Variants in SF3A1 observed in about 807,000 individuals in gnomAD.
SF3A1 encodes splicing factor 3a subunit 1.
SF3A1 carries 13 observed loss-of-function variants against 89.9 expected under a neutral mutation model. That is an observed-to-expected ratio of 0.14 (90% CI 0.09 to 0.23). SF3A1 has a LOEUF of 0.23. Ranked by LOEUF, SF3A1 falls within the 10% of genes least tolerant of loss-of-function variation. The pLI is 1.00. For missense variants in SF3A1, 604 were observed against 1,022.1 expected (o/e 0.59, Z 5.58); for synonymous variants, 405 against 374.4 (o/e 1.08, Z -0.94).
Position 30,340,392 on chromosome 22 carries a change from A to G in SF3A1, c.1190-11T>C. On this transcript the variant is annotated splice_polypyrimidine_tract_variant and intron_variant, in intron 8 of 15. Transcript: ENST00000215793. Reference sequence around the variant, plus strand: ...GCAAGGGCTTGGAGGCTAAAAGGAAACAGATGTTTCAGTAAGAACACTGGT... The same window carrying G: ...GCAAGGGCTTGGAGGCTAAAAGGAAGCAGATGTTTCAGTAAGAACACTGGT... 1 of 1,610,848 alleles carries G rather than the reference A, an allele frequency of 6.2e-7. No individual in the cohort carries two copies. Among genetic ancestry groups the G allele is most frequent in the South Asian group, 1.1e-5 (1 of 90,650 alleles).
rs1931223690 is a variant in SF3A1 at position 30,340,683 on chromosome 22, G to T, written c.1189+12C>A. 2.6e-6 allele frequency: 4 copies of T among 1,525,692 alleles called. No individual in the cohort carries two copies. Among genetic ancestry groups the T allele is most frequent in the Non-Finnish European group, 3.6e-6 (4 of 1,100,448 alleles). 94.5% of individuals were successfully genotyped at this position (1,525,692 alleles called of 1,614,324 possible). On this transcript the variant is annotated intron_variant, in intron 8 of 15. Transcript: ENST00000215793. ...TGGGCAGCCCGAGGGTTGGGAAGCA[G>T]GCCCTCCCTACCTTTGGGATCATAA...
Position 30,332,419 on chromosome 22 carries a change from A to G in SF3A1, c.*2175T>C, listed in dbSNP as rs1930945106. 6.6e-6 allele frequency: 1 copy of G among 152,212 alleles called. No individual in the cohort carries two copies. The highest frequency in any genetic ancestry group is 6.5e-5 in the Admixed American group (1 of 15,282). The allele number at this position is 152,212 out of a possible 1,614,324, so 9.4% of individuals were successfully genotyped here. ...ACAGGAGCACTTATTCCTATTTCAT[A>G]GTGTGGTCTGGTGGAGCAGAGCAGT... On this transcript the variant is annotated 3_prime_UTR_variant, in exon 16 of 16. Transcript: ENST00000215793.
At chr22:30,338,580 G>A (rs891635022) in intron 11 of SF3A1, among the ~76,000 whole-genome samples, 20 of 151,840 alleles carry the variant, frequency 1.3e-4, no homozygotes, top group Non-Finnish European at 1.5e-5. Flanking sequence ...TCTCATATTT[G>A]CCACTTACCT....
intron 1 of SF3A1, among the ~76,000 whole-genome samples, chr22:30,356,037 T>C (rs1238185593): frequency 1.3e-5 from 2 of 152,268 alleles, no homozygotes; most frequent in East Asian, 3.9e-4. Flanking sequence ...GATTTGTACC[T>C]GAAACTTCTA....
intron 1 of SF3A1, 56 bp downstream of exon 1, chr22:30,356,674 T>C: frequency 2.3e-6 from 3 of 1,325,264 alleles, no homozygotes; most frequent in Non-Finnish European, 3.0e-6. Flanking sequence ...CCTGTGCGAG[T>C]AAGGAGCGCC....
At chr22:30,340,845 G>A in intron 7 of SF3A1, 33 bp from the exon 8 acceptor site, 5 of 1,258,308 alleles carry the variant, frequency 4.0e-6, no homozygotes, top group African/African-American at 1.5e-5. Flanking sequence ...GACTCAGAGA[G>A]GGGCTGAGGC....
intron 2 of SF3A1, among the ~76,000 whole-genome samples, chr22:30,350,322 T>TAA (rs896689707): frequency 7.2e-6 from 1 of 139,328 alleles, no homozygotes; most frequent in African/African-American, 2.6e-5. Flanking sequence ...ATAAAAAAAA[T>TAA]AAAAAAAAAA....
intron 5 of SF3A1, 167 bp downstream of exon 5, chr22:30,342,638 G>C: frequency 1.6e-6 from 1 of 629,936 alleles, no homozygotes; most frequent in Non-Finnish European, 2.8e-6. Flanking sequence ...TGGTATGTTG[G>C]GAAGCATCCG....
chr22:30,355,993 ATATC>A lies in SF3A1; in HGVS notation c.63+733_63+736del, dbSNP rs1931810516. 1.3e-5 allele frequency among the ~76,000 whole-genome samples: 2 copies of A among 152,012 alleles called. 1 individual carries two copies. On this transcript the variant is annotated intron_variant, in intron 1 of 15. Coordinates refer to ENST00000215793, the MANE Select transcript of SF3A1 (RefSeq NM_005877.6). ...CACTCTTGTGGGCTTCCCTACCTTA[ATATC>A]CCTTCTAGCCCAGCAAACAATGTTC...
intron 2 of SF3A1, among the ~76,000 whole-genome samples, chr22:30,349,950 T>C (rs1403847737): frequency 6.6e-6 from 1 of 152,100 alleles, no homozygotes; most frequent in African/African-American, 2.4e-5. Flanking sequence ...TGGTCATATA[T>C]ATTTAAAGGG....
chr22:30,346,599 CCTT>C, intron 2 of SF3A1, 80 bp from the exon 3 acceptor site: 2 of 1,519,340 alleles, frequency 1.3e-6, no homozygotes, highest in Non-Finnish European at 1.8e-6. Flanking sequence ...ATTGGAACGT[CCTT>C]CTTGCCACCA....
intron 2 of SF3A1, among the ~76,000 whole-genome samples, chr22:30,347,553 C>T (rs1490946422): frequency 6.6e-6 from 1 of 152,108 alleles, no homozygotes; most frequent in Non-Finnish European, 1.5e-5. Context: ...TTCAAAACCT[C>T]AGGATAATGA....
intron 12 of SF3A1, 111 bp from the exon 13 acceptor site, chr22:30,337,291 T>C: frequency 9.5e-7 from 1 of 1,057,294 alleles, no homozygotes; most frequent in Non-Finnish European, 1.3e-6. Context: ...GTCAGAGGTG[T>C]CAAGTGCTGT....
chr22:30,337,360 A>C (rs915869619), intron 12 of SF3A1, among the ~76,000 whole-genome samples, 180 bp from the exon 13 acceptor site: 1 of 152,174 alleles, frequency 6.6e-6, no homozygotes, highest in Non-Finnish European at 1.5e-5. Flanking sequence ...GAGGCTGCCC[A>C]GATTGGACAG....
chr22:30,356,599 G>C (rs765840438), intron 1 of SF3A1, 131 bp downstream of exon 1: 3 of 676,688 alleles, frequency 4.4e-6, no homozygotes, highest in Non-Finnish European at 6.5e-6. Flanking sequence ...CCATAGCGCG[G>C]GAAGCGCGCA....
intron 9 of SF3A1, among the ~76,000 whole-genome samples, 197 bp from the exon 10 acceptor site, chr22:30,339,448 C>T (rs1931178707): frequency 7.9e-5 from 12 of 152,130 alleles, no homozygotes; most frequent in Admixed American, 7.9e-4. Flanking sequence ...TTGGGCAACC[C>T]CTCTGACTTA....
Position 30,340,719 on chromosome 22 carries a change from C to T in SF3A1, c.1165G>A (p.Val389Ile). 6.2e-7 allele frequency: 1 copy of T among 1,606,420 alleles called. No homozygotes were observed. ...PLPPTPDQVI[V>I]RKDYDPKASK... Reference sequence around the variant, plus strand: ...CCTTTGGGATCATAATCCTTGCGGACAATGACTTGGTCTGGAGTTGGGGGC... The same window carrying T: ...CCTTTGGGATCATAATCCTTGCGGATAATGACTTGGTCTGGAGTTGGGGGC... Residue 389 changes from valine (V) to isoleucine (I), a missense_variant, in exon 8 of 16, where the codon GTC (valine) becomes ATC (isoleucine). By Grantham distance (29) the Val-to-Ile change is conservative. This residue lies in a region of SF3A1 where 146 missense variants were observed against 228.5 expected (regional missense o/e 0.64). Coordinates refer to ENST00000215793, the MANE Select transcript of SF3A1 (RefSeq NM_005877.6).
intron 2 of SF3A1, among the ~76,000 whole-genome samples, chr22:30,351,039 G>A (rs1931576458): frequency 6.6e-6 from 1 of 152,222 alleles, no homozygotes; most frequent in Non-Finnish European, 1.5e-5. Context: ...CGTGGCTCAC[G>A]CCTGTAATCC....
intron 13 of SF3A1, 122 bp from the exon 14 acceptor site, chr22:30,335,875 C>T: frequency 1.3e-6 from 1 of 795,076 alleles, no homozygotes; most frequent in Non-Finnish European, 2.2e-6. Flanking sequence ...GGATTCTGGC[C>T]TGATTCACCA....
Sources: gnomAD v4.1 joint callset for allele counts (sites outside exome capture counted in the v4.1 genomes callset) on GRCh38, gnomAD v4.1.1 for gene constraint, gnomAD v4.1.1 regional missense constraint, MANE v1.5 for transcripts, NCBI Gene and HGNC (gene_info 2026-07-23, HGNC 2026-07-21) for gene names.